Variants in PTPRN2 observed in about 807,000 individuals in gnomAD.
PTPRN2 encodes the protein protein tyrosine phosphatase receptor type N2, also known as receptor-type tyrosine-protein phosphatase N2.
PTPRN2 carries 74 observed loss-of-function variants against 118.8 expected under a neutral mutation model. The ratio of observed to expected loss-of-function variants is 0.62; its 90% CI spans 0.52 to 0.76. PTPRN2 has a LOEUF of 0.76. Ranked by LOEUF, PTPRN2 falls within the 30% of genes least tolerant of loss-of-function variation. The pLI is 0.00. For synonymous variants in PTPRN2, 641 were observed against 608.0 expected, an observed-to-expected ratio of 1.05 and a Z score of -0.80; for missense variants, 1,481 against 1,394.4, an observed-to-expected ratio of 1.06 and a Z score of -0.99.
At chr7:158,043,963 G>A (rs868588154) in intron 11 of PTPRN2, among the ~76,000 whole-genome samples, 8 of 152,350 alleles carry the variant, frequency 5.3e-5, no homozygotes, top group Admixed American at 1.3e-4. Context: ...GTCACTCGAC[G>A]TGGCAGAGGG....
At chr7:157,876,865 C>T (rs902227890) in intron 12 of PTPRN2, among the ~76,000 whole-genome samples, 1 of 152,206 alleles carries the variant, frequency 6.6e-6, no homozygotes, top group Admixed American at 6.5e-5. Context: ...CTCTGGGAGC[C>T]GCAGGAGGCA....
chr7:157,905,571 A>T (rs1797725719), intron 11 of PTPRN2, among the ~76,000 whole-genome samples: 1 of 152,262 alleles, frequency 6.6e-6, no homozygotes, highest in Non-Finnish European at 1.5e-5. Context: ...ATTCTGCAAT[A>T]GCCTATTTAA....
intron 11 of PTPRN2, among the ~76,000 whole-genome samples, chr7:158,042,053 G>A (rs1453104983): frequency 2.0e-5 from 3 of 152,160 alleles, no homozygotes; most frequent in Admixed American, 6.5e-5. Context: ...TCACAAGAAC[G>A]ATCACAGGCC....
In PTPRN2 at chr7:158,334,671, C is replaced by T. The variant is rs11980565; in HGVS notation, c.164-17739G>A. ...CACCATAATTGGTGACACCTGCAGACGTCACTCACACCCACACTCTCACCA... is the reference window on the plus strand; with the variant it reads ...CACCATAATTGGTGACACCTGCAGATGTCACTCACACCCACACTCTCACCA... On this transcript the variant is annotated intron_variant, in intron 2 of 22. Coordinates refer to ENST00000389418, the MANE Select transcript of PTPRN2 (RefSeq NM_002847.5). Among the ~76,000 whole-genome samples the T allele has an allele frequency of 4.2e-3, 327 of 78,080 alleles. 25 individuals carry two copies. Among genetic ancestry groups the T allele is most frequent in the African/African-American group, 0.013 (294 of 22,162 alleles). 51.2% of individuals were successfully genotyped at this position (78,080 alleles called of 152,430 possible).
chr7:158,282,569 T>C (rs6959283), intron 3 of PTPRN2, among the ~76,000 whole-genome samples: 146,023 of 152,358 alleles, frequency 0.96, 70,048 homozygotes, highest in African/African-American at 0.99. Context: ...CATGTTGAGT[T>C]CTGAAGGAGA....
At chr7:157,659,394 G>T (rs1348799233) in intron 13 of PTPRN2, among the ~76,000 whole-genome samples, 2 of 108,814 alleles carry the variant, frequency 1.8e-5, no homozygotes, top group South Asian at 4.4e-4. Flanking sequence ...CCGCGGGGAT[G>T]GGGGGGATGG....
At chr7:158,353,635 G>A (rs1808172311) in intron 2 of PTPRN2, among the ~76,000 whole-genome samples, 1 of 152,154 alleles carries the variant, frequency 6.6e-6, no homozygotes, top group Non-Finnish European at 1.5e-5. Flanking sequence ...AGAACCCAGA[G>A]GTGAGGATGA....
chr7:157,765,977 C>A (rs996731209), intron 12 of PTPRN2, among the ~76,000 whole-genome samples: 4 of 150,226 alleles, frequency 2.7e-5, no homozygotes, highest in African/African-American at 9.9e-5. Flanking sequence ...TTCATCCACC[C>A]ACACACCCAT....
chr7:157,922,578 T>C (rs189697726), intron 11 of PTPRN2, among the ~76,000 whole-genome samples: 9 of 103,932 alleles, frequency 8.7e-5, no homozygotes, highest in African/African-American at 3.0e-4. Context: ...AATGTTCTCT[T>C]TAGTTGGACA....
At chr7:158,147,266 C>A (rs1820187047) in intron 6 of PTPRN2, among the ~76,000 whole-genome samples, 1 of 105,610 alleles carries the variant, frequency 9.5e-6, no homozygotes, top group Admixed American at 9.0e-5. Context: ...CAATGACACC[C>A]CATCTCACGC....
intron 11 of PTPRN2, among the ~76,000 whole-genome samples, chr7:158,058,545 G>A (rs530943942): frequency 5.8e-5 from 4 of 68,570 alleles, no homozygotes; most frequent in East Asian, 4.4e-4. Context: ...ATCTGCACAC[G>A]GTGAGACATC....
intron 3 of PTPRN2, among the ~76,000 whole-genome samples, chr7:158,275,813 C>G (rs1310069478): frequency 6.6e-6 from 1 of 152,140 alleles, no homozygotes; most frequent in Non-Finnish European, 1.5e-5. Context: ...AAGCCACGGA[C>G]CTGGTGCAGT....
chr7:157,862,293 C>T (rs112752656), intron 12 of PTPRN2, among the ~76,000 whole-genome samples: 4 of 152,186 alleles, frequency 2.6e-5, no homozygotes, highest in Non-Finnish European at 5.9e-5. Context: ...TATCTTTCTG[C>T]GGAGACAGTT....
At chr7:158,356,860 G>T (rs1364392194) in intron 2 of PTPRN2, among the ~76,000 whole-genome samples, 1 of 151,986 alleles carries the variant, frequency 6.6e-6, no homozygotes, top group East Asian at 1.9e-4. Flanking sequence ...AGGAGAAATG[G>T]ACTGACTGGG....
intron 11 of PTPRN2, among the ~76,000 whole-genome samples, chr7:157,931,224 C>T (rs185166741): frequency 6.6e-6 from 1 of 152,348 alleles, no homozygotes; most frequent in Admixed American, 6.5e-5. Flanking sequence ...AGCAATTCCA[C>T]GAGTTAACTA....
chr7:158,327,425 TCA>T lies in PTPRN2; in HGVS notation c.164-10495_164-10494del, dbSNP rs35201439. ...CACATGCTCACACATGTACACGTTC[TCA>T]CACACATTCTCACATGCACACACCT... is the stretch of plus-strand genomic sequence containing the variant. On this transcript the variant is annotated intron_variant, in intron 2 of 22. Transcript: ENST00000389418. Among the ~76,000 whole-genome samples the T allele has an allele frequency of 4.7e-3, 702 of 149,626 alleles. 8 individuals carry two copies. Among genetic ancestry groups the T allele is most frequent in the African/African-American group, 0.016 (638 of 40,524 alleles).
chr7:158,584,291 A>G (rs527472843), intron 1 of PTPRN2, among the ~76,000 whole-genome samples: 1 of 152,334 alleles, frequency 6.6e-6, no homozygotes, highest in Admixed American at 6.5e-5. Flanking sequence ...GCCTCCATGT[A>G]AGTGAAGAAC....
At chr7:158,075,507 G>A (rs745660907) in intron 11 of PTPRN2, among the ~76,000 whole-genome samples, 10 of 152,244 alleles carry the variant, frequency 6.6e-5, no homozygotes, top group Non-Finnish European at 8.8e-5. Context: ...CGCCCCCAAC[G>A]CAGCAGGTCC....
At chr7:158,293,790 C>G (rs1340190588) in intron 3 of PTPRN2, among the ~76,000 whole-genome samples, 3 of 151,846 alleles carry the variant, frequency 2.0e-5, no homozygotes, top group African/African-American at 7.3e-5. Context: ...AACACACACC[C>G]TAGCCTAGGC....
Sources: allele counts gnomAD v4.1 joint callset (sites outside exome capture counted in the v4.1 genomes callset), GRCh38; gene constraint gnomAD v4.1.1; transcripts MANE v1.5; gene names NCBI Gene and HGNC (gene_info 2026-07-23, HGNC 2026-07-21).